KCNAB1: variants seen among roughly 807,000 people sequenced by gnomAD.
KCNAB1 encodes voltage-gated potassium channel subunit beta-1.
A neutral mutation model predicts 64.6 loss-of-function variants in KCNAB1; 35 were observed. The ratio of observed to expected loss-of-function variants is 0.54; its 90% CI spans 0.41 to 0.72. KCNAB1 has a LOEUF of 0.72. Among genes scored for constraint, KCNAB1 ranks in the 30% least tolerant of loss-of-function variants. The pLI is 0.00. For missense variants in KCNAB1, 401 were observed against 512.9 expected, an observed-to-expected ratio of 0.78 and a Z score of 2.11; for synonymous variants, 177 against 183.8, an observed-to-expected ratio of 0.96 and a Z score of 0.30.
intron 1 of KCNAB1, among the ~76,000 whole-genome samples, chr3:156,383,809 G>A (rs758612838): frequency 4.6e-5 from 7 of 152,172 alleles, no homozygotes; most frequent in Non-Finnish European, 8.8e-5. Context: ...GATAGGCATC[G>A]GCAGAGATGG....
At chr3:156,260,288 A>G (rs1262403108) in intron 1 of KCNAB1, among the ~76,000 whole-genome samples, 5 of 152,336 alleles carry the variant, frequency 3.3e-5, no homozygotes, top group East Asian at 1.9e-4. Context: ...TAATTTATAT[A>G]CCATAAAATT....
At chr3:156,386,258 C>A (rs146629931) in intron 1 of KCNAB1, among the ~76,000 whole-genome samples, 10 of 152,118 alleles carry the variant, frequency 6.6e-5, no homozygotes, top group Non-Finnish European at 1.5e-4. Context: ...GGACTTTATA[C>A]GCTGGCCCCT....
chr3:156,503,364 C>G (rs951588739), intron 8 of KCNAB1, among the ~76,000 whole-genome samples: 4 of 152,164 alleles, frequency 2.6e-5, no homozygotes, highest in Non-Finnish European at 4.4e-5. Context: ...TCTCTTATTG[C>G]TTTGGGCAAG....
intron 13 of KCNAB1, chr3:156,536,412 T>C (rs1307666499): frequency 7.6e-6 from 3 of 392,416 alleles, no homozygotes; most frequent in Admixed American, 4.2e-5. Flanking sequence ...TTCTGTTGGA[T>C]AGAGCTGCTC....
chr3:156,122,584 CATG>C (rs1432287107), intron 1 of KCNAB1, among the ~76,000 whole-genome samples: 1 of 152,172 alleles, frequency 6.6e-6, no homozygotes, highest in African/African-American at 2.4e-5. Flanking sequence ...CTAGATTAGA[CATG>C]ATCCAGAATT....
At chr3:156,218,277 C>T (rs1715450570) in intron 1 of KCNAB1, among the ~76,000 whole-genome samples, 1 of 152,180 alleles carries the variant, frequency 6.6e-6, no homozygotes, top group Non-Finnish European at 1.5e-5. Flanking sequence ...CATAATCCCC[C>T]TGCGAATATA....
chr3:156,320,247 CCTT>C (rs1247216743), intron 1 of KCNAB1, among the ~76,000 whole-genome samples: 1 of 152,160 alleles, frequency 6.6e-6, no homozygotes. Flanking sequence ...TATTTTCTCT[CCTT>C]AATCTAAACT....
At chr3:156,238,587 C>T (rs1716991571) in intron 1 of KCNAB1, among the ~76,000 whole-genome samples, 1 of 152,154 alleles carries the variant, frequency 6.6e-6, no homozygotes, top group Admixed American at 6.5e-5. Flanking sequence ...CTACAATTAG[C>T]TCAGAGCTTT....
At chr3:156,165,237 C>G (rs146068079) in intron 1 of KCNAB1, among the ~76,000 whole-genome samples, 1,980 of 133,700 alleles carry the variant, frequency 0.015, 53 homozygotes, top group African/African-American at 0.054. Context: ...GAGATCCCGC[C>G]ACTGCACTCC....
intron 1 of KCNAB1, among the ~76,000 whole-genome samples, chr3:156,168,207 C>G (rs1248493254): frequency 6.6e-6 from 1 of 151,746 alleles, no homozygotes; most frequent in East Asian, 1.9e-4. Context: ...TGTCCCACCC[C>G]CAACCGCCCC....
At chr3:156,275,639 GA>G (rs761544826) in intron 1 of KCNAB1, among the ~76,000 whole-genome samples, 5 of 152,166 alleles carry the variant, frequency 3.3e-5, no homozygotes, top group Admixed American at 1.3e-4. Flanking sequence ...GTCATTTCAA[GA>G]ATATTCACAG....
intron 1 of KCNAB1, among the ~76,000 whole-genome samples, chr3:156,271,613 G>A (rs368837202): frequency 4.6e-5 from 7 of 152,042 alleles, no homozygotes; most frequent in African/African-American, 1.2e-4. Flanking sequence ...CTTGAGTTTC[G>A]TTGAGTTTCC....
At chr3:156,513,364 A>G (rs1717346473) in intron 8 of KCNAB1, among the ~76,000 whole-genome samples, 1 of 152,290 alleles carries the variant, frequency 6.6e-6, no homozygotes, top group African/African-American at 2.4e-5. Flanking sequence ...AAAAAAATAC[A>G]TCTACTGCAA....
At chr3:156,290,339 G>A (rs576381356) in intron 1 of KCNAB1, among the ~76,000 whole-genome samples, 6 of 152,246 alleles carry the variant, frequency 3.9e-5, no homozygotes, top group South Asian at 2.1e-4. Flanking sequence ...ATATTGTTGC[G>A]TTAAATACTG....
Position 156,375,583 on chromosome 3 carries a change from A to AAAT in KCNAB1, c.276-46029_276-46027dup, listed in dbSNP as rs755068628. ...GGTGTTTGGTCTCAGAGGCAAAAGA[A>AAAT]AATAATTGTGTCTGTGTGGAGGCAC... On this transcript the variant is annotated intron_variant, in intron 1 of 13. Coordinates refer to ENST00000490337, the MANE Select transcript of KCNAB1 (RefSeq NM_172160.3). Among the ~76,000 whole-genome samples the AAAT allele has an allele frequency of 9.6e-5, 13 of 135,518 alleles. 3 individuals are homozygous for AAAT. The highest frequency in any genetic ancestry group is 1.4e-4 in the Non-Finnish European group (9 of 64,960). 88.9% of individuals were successfully genotyped at this position (135,518 alleles called of 152,430 possible). A position where few individuals can be genotyped will look rare whatever the true frequency, so the allele number is the denominator to read the frequency against.
chr3:156,324,336 G>A (rs775870035), intron 1 of KCNAB1, among the ~76,000 whole-genome samples: 7 of 152,030 alleles, frequency 4.6e-5, no homozygotes, highest in African/African-American at 4.8e-5. Flanking sequence ...ATTACAATGC[G>A]CTTTAATTAG....
chr3:156,211,103 G>A (rs564513400), intron 1 of KCNAB1, among the ~76,000 whole-genome samples: 1 of 152,246 alleles, frequency 6.6e-6, no homozygotes, highest in South Asian at 2.1e-4. Flanking sequence ...AGTGTGGGCA[G>A]TGAAAAAAGG....
chr3:156,333,107 T>G (rs188001405), intron 1 of KCNAB1, among the ~76,000 whole-genome samples: 104 of 152,248 alleles, frequency 6.8e-4, no homozygotes, highest in Non-Finnish European at 1.2e-3. Flanking sequence ...CATTTCTCAC[T>G]CCTTCGTCCT....
intron 1 of KCNAB1, among the ~76,000 whole-genome samples, chr3:156,162,669 T>C (rs1292805454): frequency 6.6e-6 from 1 of 152,120 alleles, no homozygotes; most frequent in African/African-American, 2.4e-5. Flanking sequence ...AGTGAGGCGA[T>C]TTGCCAGCCA....
Sources: allele counts gnomAD v4.1 joint callset (sites outside exome capture counted in the v4.1 genomes callset), GRCh38; gene constraint gnomAD v4.1.1; transcripts MANE v1.5; gene names NCBI Gene and HGNC (gene_info 2026-07-23, HGNC 2026-07-21).